SCAI: variants seen among roughly 807,000 people sequenced by gnomAD.
SCAI encodes protein SCAI.
A neutral mutation model predicts 92.2 loss-of-function variants in SCAI; 24 were observed. The observed-to-expected ratio is 0.26, with a 90% CI of 0.19 to 0.37. SCAI has a LOEUF of 0.37. SCAI is among the 10% of genes least tolerant of loss of function. The probability of loss-of-function intolerance (pLI) is 1.00; values close to 1 mark genes in which losing one functional copy is unlikely to be tolerated. For missense variants in SCAI, 450 were observed against 736.2 expected (o/e 0.61, Z 4.50); for synonymous variants, 261 against 258.6 (o/e 1.01, Z -0.09).
At chr9:124,962,176 G>GGT (rs1554774817) in intron 17 of SCAI, among the ~76,000 whole-genome samples, 4 of 143,746 alleles carry the variant, frequency 2.8e-5, no homozygotes, top group African/African-American at 5.2e-5. Context: ...TTTTTGCGGG[G>GGT]GGGGATGGAG....
At chr9:125,017,439 C>CATA (rs35260008) in intron 9 of SCAI, among the ~76,000 whole-genome samples, 5,877 of 152,040 alleles carry the variant, frequency 0.039, 378 homozygotes, top group African/African-American at 0.13. Context: ...TTAGTATATT[C>CATA]ATACTATAAT....
At chr9:125,107,206 C>T (rs374630981) in intron 2 of SCAI, among the ~76,000 whole-genome samples, 1 of 151,916 alleles carries the variant, frequency 6.6e-6, no homozygotes, top group East Asian at 1.9e-4. Flanking sequence ...GTCAGGAGAT[C>T]GAGACCATCC....
At chr9:125,137,442 G>A (rs184998885) in intron 2 of SCAI, among the ~76,000 whole-genome samples, 7 of 152,314 alleles carry the variant, frequency 4.6e-5, no homozygotes, top group Admixed American at 4.6e-4. Context: ...GGGATAAACA[G>A]TGAACAAAAC....
At chr9:125,071,856 T>A (rs1223476467) in intron 2 of SCAI, among the ~76,000 whole-genome samples, 1 of 152,230 alleles carries the variant, frequency 6.6e-6, no homozygotes, top group Non-Finnish European at 1.5e-5. Context: ...CACACTGGTA[T>A]AATTAGTCCA....
chr9:124,943,702 T>C lies in SCAI; in HGVS notation c.*9105A>G, dbSNP rs1237510582. ...TAATAATCAGAATGTAGACAATAAG[T>C]TCAGCATTATTTTCAAGGGAAAAAG... On this transcript the variant is annotated 3_prime_UTR_variant, in exon 18 of 18. Transcript: ENST00000336505. 6.6e-6 allele frequency: 1 copy of C among 152,170 alleles called. No individual in the cohort carries two copies. Among genetic ancestry groups the C allele is most frequent in the East Asian group, 1.9e-4 (1 of 5,200 alleles). The allele number at this position is 152,170 out of a possible 1,614,324, so 9.4% of individuals were successfully genotyped here.
intron 1 of SCAI, 110 bp downstream of exon 1, chr9:125,143,275 C>T: frequency 3.1e-6 from 2 of 638,642 alleles, no homozygotes; most frequent in South Asian, 1.1e-4. Flanking sequence ...CACCCCCCGC[C>T]CCTCCGGTCT....
rs182438366 is a variant in SCAI, at chr9:125,006,381, C to T, written c.862-2811G>A. ...TGAGATGCACACCCCCATCCCCGGT[C>T]TCTTAAAAGAAAAAAAGTTAGTTTC... On this transcript the variant is annotated intron_variant, in intron 9 of 17. Coordinates refer to ENST00000336505, the MANE Select transcript of SCAI (RefSeq NM_001144877.3). Among the ~76,000 whole-genome samples the T allele has an allele frequency of 3.3e-5, 5 of 152,142 alleles. No individual in the cohort carries two copies. The East Asian group carries it at 9.7e-4, about 29-fold the overall frequency.
intron 17 of SCAI, among the ~76,000 whole-genome samples, chr9:124,960,164 C>T (rs1831410843): frequency 6.6e-6 from 1 of 152,122 alleles, no homozygotes; most frequent in South Asian, 2.1e-4. Flanking sequence ...AAATTCAAAA[C>T]AAATGTCTGT....
chr9:125,009,303 T>C (rs1832579908), intron 9 of SCAI, among the ~76,000 whole-genome samples: 1 of 152,226 alleles, frequency 6.6e-6, no homozygotes, highest in Non-Finnish European at 1.5e-5. Flanking sequence ...GGAGTCTTCT[T>C]CTGTTGCCCA....
At chr9:125,132,219 T>C (rs1198046261) in intron 2 of SCAI, among the ~76,000 whole-genome samples, 1 of 152,014 alleles carries the variant, frequency 6.6e-6, no homozygotes, top group African/African-American at 2.4e-5. Flanking sequence ...GTTTAAGCAA[T>C]TCTCCTGCCT....
intron 2 of SCAI, among the ~76,000 whole-genome samples, chr9:125,070,055 C>T (rs1320262870): frequency 1.3e-5 from 2 of 151,894 alleles, no homozygotes; most frequent in Non-Finnish European, 2.9e-5. Flanking sequence ...AGTTGTTGCA[C>T]AAAATGAACT....
At chr9:124,953,039 T>C (rs1588112195) in intron 17 of SCAI, 86 bp from the exon 18 acceptor site, 3 of 1,088,384 alleles carry the variant, frequency 2.8e-6, no homozygotes, top group East Asian at 4.8e-5. Context: ...AGGAGTAATA[T>C]GTATTTTCAC....
At chr9:124,968,385 G>A in intron 17 of SCAI, 3 of 1,152,806 alleles carry the variant, frequency 2.6e-6, no homozygotes, top group African/African-American at 1.5e-5. Flanking sequence ...ATCATGGAGG[G>A]ACACGCAATC....
intron 6 of SCAI, among the ~76,000 whole-genome samples, chr9:125,024,427 C>A (rs751394258): frequency 9.9e-5 from 15 of 152,088 alleles, no homozygotes; most frequent in Non-Finnish European, 1.9e-4. Context: ...AGGCGCGTGC[C>A]ACCACGCCCG....
At chr9:125,039,745 G>C (rs1833281944) in intron 3 of SCAI, among the ~76,000 whole-genome samples, 1 of 152,114 alleles carries the variant, frequency 6.6e-6, no homozygotes, top group Admixed American at 6.6e-5. Flanking sequence ...TTTAAGACTT[G>C]CAATAGAGAA....
intron 11 of SCAI, among the ~76,000 whole-genome samples, chr9:125,002,499 T>TTTTTTTTTTTTTTTTTG (rs1554779235): frequency 4.8e-5 from 7 of 147,318 alleles, no homozygotes; most frequent in African/African-American, 1.8e-4. Context: ...TTTTTTTTTT[T>TTTTTTTTTTTTTTTTTG]GAAACAGAGT....
At chr9:125,004,153 G>A (rs1832422933) in intron 9 of SCAI, among the ~76,000 whole-genome samples, 1 of 151,990 alleles carries the variant, frequency 6.6e-6, no homozygotes, top group Admixed American at 6.6e-5. Flanking sequence ...TCCAGCCTGG[G>A]TAACAGAGAA....
At chr9:125,075,715 GCCACC>G (rs1834075919) in intron 2 of SCAI, among the ~76,000 whole-genome samples, 1 of 152,034 alleles carries the variant, frequency 6.6e-6, no homozygotes, top group African/African-American at 2.4e-5. Flanking sequence ...ACAGGCATGT[GCCACC>G]ATGCCCGGCT....
chr9:125,041,724 A>C (rs916775642), intron 3 of SCAI, among the ~76,000 whole-genome samples: 1 of 152,162 alleles, frequency 6.6e-6, no homozygotes, highest in Non-Finnish European at 1.5e-5. Context: ...ATATTTTCTG[A>C]TTTATAGCTA....
Sources: allele counts gnomAD v4.1 joint callset (sites outside exome capture counted in the v4.1 genomes callset), GRCh38; gene constraint gnomAD v4.1.1; transcripts MANE v1.5; gene names NCBI Gene and HGNC (gene_info 2026-07-23, HGNC 2026-07-21).